The following DAB1 variants were observed in gnomAD, a reference collection of about 807,000 sequenced individuals.
The protein encoded by DAB1 is DAB adaptor protein 1, also known as disabled homolog 1.
In DAB1, 15 loss-of-function variants were observed where a neutral mutation model predicts 64.6. The ratio of observed to expected loss-of-function variants is 0.23; its 90% CI spans 0.16 to 0.36. The LOEUF (loss-of-function observed/expected upper bound fraction) is 0.36, where lower values mean the gene tolerates loss of function less well. DAB1 is among the 10% of genes least tolerant of loss of function. The probability of loss-of-function intolerance (pLI) is 1.00; values close to 1 mark genes in which losing one functional copy is unlikely to be tolerated. For missense variants in DAB1, 596 were observed against 706.7 expected, an observed-to-expected ratio of 0.84 and a Z score of 1.78; for synonymous variants, 235 against 251.9, an observed-to-expected ratio of 0.93 and a Z score of 0.64.
chr1:58,036,334 A>G (rs1306088298), intron 5 of DAB1, among the ~76,000 whole-genome samples: 2 of 152,152 alleles, frequency 1.3e-5, no homozygotes, highest in Non-Finnish European at 2.9e-5. Flanking sequence ...AGTTGGTAAT[A>G]AGGGAGAGCC....
Position 57,502,087 on chromosome 1 carries a change from G to A in DAB1, n.625+147505C>T, listed in dbSNP as rs141583309. Among the ~76,000 whole-genome samples, 1,129 of 152,104 alleles carry A rather than the reference G, an allele frequency of 7.4e-3. 11 individuals carry two copies. The highest frequency in any genetic ancestry group is 0.011 in the Non-Finnish European group (734 of 67,972). Reference sequence around the variant, plus strand: ...TGAAATCCCAGCACTTTGGGAGGCCGAGGCCAGTGGATCACGAGGTCAGGA... The same window carrying A: ...TGAAATCCCAGCACTTTGGGAGGCCAAGGCCAGTGGATCACGAGGTCAGGA... On this transcript the variant is annotated intron_variant and non_coding_transcript_variant, in intron 7 of 20. Transcript: ENST00000485760.
At chr1:58,410,675 T>C (rs1305308733) in intron 3 of DAB1, among the ~76,000 whole-genome samples, 1 of 152,224 alleles carries the variant, frequency 6.6e-6, no homozygotes, top group Non-Finnish European at 1.5e-5. Context: ...CAACATGCTG[T>C]GATGCCCCCC....
chr1:58,288,544 C>G (rs1290332633), intron 4 of DAB1, among the ~76,000 whole-genome samples: 1 of 152,176 alleles, frequency 6.6e-6, no homozygotes, highest in East Asian at 1.9e-4. Context: ...AGATCTACTT[C>G]TTGAGCATTC....
intron 7 of DAB1, among the ~76,000 whole-genome samples, chr1:57,619,965 GA>G (rs1645836288): frequency 6.6e-6 from 1 of 152,154 alleles, no homozygotes; most frequent in Admixed American, 6.5e-5. Flanking sequence ...TCAAGGCACA[GA>G]AAGACTGAGC....
intron 1 of DAB1, among the ~76,000 whole-genome samples, chr1:57,384,336 G>A (rs2100980260): frequency 6.6e-6 from 1 of 152,282 alleles, no homozygotes; most frequent in Admixed American, 6.5e-5. Context: ...AGCCACTATG[G>A]AAAACAGTAT....
intron 3 of DAB1, among the ~76,000 whole-genome samples, chr1:58,347,080 G>GTTTGT (rs142226520): frequency 1.7e-4 from 25 of 151,200 alleles, no homozygotes; most frequent in Non-Finnish European, 2.4e-4. Context: ...ATGATTATGG[G>GTTTGT]TTTGTTTTGT....
intron 1 of DAB1, among the ~76,000 whole-genome samples, chr1:57,410,039 G>A (rs2101055079): frequency 6.6e-6 from 1 of 152,228 alleles, no homozygotes; most frequent in Non-Finnish European, 1.5e-5. Flanking sequence ...AGGCCTTTTT[G>A]TTGTTGATTT....
At chr1:58,269,099 G>C (rs1251853716) in intron 4 of DAB1, among the ~76,000 whole-genome samples, 2 of 150,104 alleles carry the variant, frequency 1.3e-5, no homozygotes, top group Non-Finnish European at 1.5e-5. Flanking sequence ...GTGCCATGCT[G>C]GTGCGCTGCA....
At chr1:57,051,558 G>A (rs1649189814) in intron 9 of DAB1, among the ~76,000 whole-genome samples, 1 of 152,186 alleles carries the variant, frequency 6.6e-6, no homozygotes, top group Non-Finnish European at 1.5e-5. Context: ...TCTAAGGCAA[G>A]GAAAGTCAAC....
intron 1 of DAB1, among the ~76,000 whole-genome samples, chr1:57,314,146 A>T (rs1164484143): frequency 6.6e-6 from 1 of 152,174 alleles, no homozygotes; most frequent in Non-Finnish European, 1.5e-5. Flanking sequence ...TTCCCTACGC[A>T]ATTTACTCAC....
chr1:57,553,711 T>C (rs1490081493), intron 7 of DAB1, among the ~76,000 whole-genome samples: 1 of 151,982 alleles, frequency 6.6e-6, no homozygotes, highest in Non-Finnish European at 1.5e-5. Context: ...ATGTTGTCAA[T>C]AGGAGCGATG....
Position 57,687,596 on chromosome 1 carries a change from A to G in DAB1, n.552-37931T>C, listed in dbSNP as rs1646713640. On this transcript the variant is annotated intron_variant and non_coding_transcript_variant, in intron 6 of 20. Transcript: ENST00000485760. ...CCTGAATATCGAAAGTAATCTTAAG[A>G]AACAAAAAAAAAAAAAAAAAAAAGA... Among the ~76,000 whole-genome samples, 9 of 134,874 alleles carry G rather than the reference A, an allele frequency of 6.7e-5. No individual in the cohort carries two copies. The Admixed American group carries it at 6.8e-4, about 10-fold the overall frequency. The allele number at this position is 134,874 out of a possible 152,430, so 88.5% of individuals were successfully genotyped here.
intron 3 of DAB1, among the ~76,000 whole-genome samples, chr1:58,413,208 G>T (rs999408927): frequency 6.6e-6 from 1 of 152,222 alleles, no homozygotes; most frequent in Non-Finnish European, 1.5e-5. Flanking sequence ...AAGGCAAGAT[G>T]TTAGTCCAAG....
At chr1:57,954,453 C>T (rs988240928) in intron 5 of DAB1, among the ~76,000 whole-genome samples, 5 of 152,066 alleles carry the variant, frequency 3.3e-5, no homozygotes, top group African/African-American at 1.2e-4. Flanking sequence ...AGTGGTAGGT[C>T]CAGGAGTTAC....
chr1:58,060,744 G>A (rs10443245), intron 5 of DAB1, among the ~76,000 whole-genome samples: 31,279 of 152,102 alleles, frequency 0.21, 3,614 homozygotes, highest in East Asian at 0.31. Flanking sequence ...GCCAATTCTC[G>A]GCTTTCTGGG....
chr1:57,049,450 C>CAAAAAAA (rs574438911), intron 9 of DAB1, among the ~76,000 whole-genome samples: 531 of 24,560 alleles, frequency 0.022, 19 homozygotes, highest in Non-Finnish European at 0.025. Flanking sequence ...GACTCCGTCT[C>CAAAAAAA]AAAAAAAAAA....
chr1:57,855,627 G>C (rs1653717898), intron 1 of DAB1, among the ~76,000 whole-genome samples: 1 of 152,160 alleles, frequency 6.6e-6, no homozygotes, highest in South Asian at 2.1e-4. Context: ...CAGAGGAAGA[G>C]GGAAAAGGTC....
chr1:58,520,362 CAAG>C (rs1371768410), intron 2 of DAB1, among the ~76,000 whole-genome samples: 1 of 152,150 alleles, frequency 6.6e-6, no homozygotes, highest in Non-Finnish European at 1.5e-5. Flanking sequence ...TCCTACAACT[CAAG>C]AATAAGAACA....
chr1:58,000,564 CTTTTTTTT>C (rs869176789), intron 5 of DAB1, among the ~76,000 whole-genome samples: 3 of 95,752 alleles, frequency 3.1e-5, no homozygotes, highest in African/African-American at 1.2e-4. Flanking sequence ...TCTTTTTTGC[CTTTTTTTT>C]TTTTTTTTTT....
Sources: gnomAD v4.1 joint callset for allele counts (sites outside exome capture counted in the v4.1 genomes callset) on GRCh38, gnomAD v4.1.1 for gene constraint, MANE v1.5 for transcripts, NCBI Gene and HGNC (gene_info 2026-07-23, HGNC 2026-07-21) for gene names.